The following STX1A variants were observed in gnomAD, a reference collection of about 807,000 sequenced individuals.
STX1A encodes the protein syntaxin 1A, also known as syntaxin-1A.
In STX1A, 4 loss-of-function variants were observed where a neutral mutation model predicts 37.8. That is an observed-to-expected ratio of 0.11 (90% confidence interval 0.05 to 0.24). The LOEUF is 0.24. STX1A is among the 10% of genes least tolerant of loss of function. STX1A has a pLI of 1.00. For missense variants in STX1A, 251 were observed against 399.9 expected (o/e 0.63, Z 3.18); for synonymous variants, 135 against 147.4 (o/e 0.92, Z 0.61).
chr7:73,719,069 G>A (rs971744620), intron 1 of STX1A, among the ~76,000 whole-genome samples: 38 of 151,826 alleles, frequency 2.5e-4, no homozygotes, highest in Admixed American at 9.2e-4. Flanking sequence ...CGAGGAGGCC[G>A]CCACCACCCG....
At chr7:73,719,117 C>T (rs1554619185) in intron 1 of STX1A, among the ~76,000 whole-genome samples, 1 of 151,938 alleles carries the variant, frequency 6.6e-6, no homozygotes, top group Admixed American at 6.5e-5. Context: ...CAGCGGGGCC[C>T]CGCGCAGGGG....
intron 3 of STX1A, among the ~76,000 whole-genome samples, chr7:73,707,765 C>A (rs1798927581): frequency 6.6e-6 from 1 of 151,506 alleles, no homozygotes; most frequent in African/African-American, 2.4e-5. Flanking sequence ...GAAACCCCAT[C>A]TTTACTAAAA....
At chr7:73,701,699 C>T (rs948924022) in intron 8 of STX1A, among the ~76,000 whole-genome samples, 12 of 152,274 alleles carry the variant, frequency 7.9e-5, no homozygotes, top group African/African-American at 2.4e-4. Flanking sequence ...CTGGCGTCCA[C>T]GTCACCATGG....
rs1224291104 is a variant in STX1A, at chr7:73,709,477, C to G, written c.31-355G>C. ...GTCTGGGCCCTCTGGGTCCCCTAGG[C>G]CCCTAGGACAGCTGCCTGGAAAGTG... On this transcript the variant is annotated intron_variant, in intron 1 of 9. Transcript: ENST00000222812. The surrounding 1 kb of genome is among the most constrained non-coding windows in gnomAD (Gnocchi z 4.2). Among the ~76,000 whole-genome samples the G allele has an allele frequency of 6.6e-6, 1 of 152,086 alleles. No individual in the cohort carries two copies. The highest frequency in any genetic ancestry group is 1.5e-5 in the Non-Finnish European group (1 of 68,006).
chr7:73,715,461 C>A (rs1554618551), intron 1 of STX1A, among the ~76,000 whole-genome samples: 1 of 152,036 alleles, frequency 6.6e-6, no homozygotes, highest in African/African-American at 2.4e-5. Flanking sequence ...CCACCTCCAA[C>A]CAGGAAGGCT....
chr7:73,708,197 G>A (rs1269292637), intron 3 of STX1A, among the ~76,000 whole-genome samples: 2 of 147,120 alleles, frequency 1.4e-5, no homozygotes, highest in Admixed American at 6.9e-5. Flanking sequence ...CCGGAAGGCA[G>A]AGGTGGCAGT....
In STX1A at chr7:73,717,060, G is replaced by A. The variant is rs1367410238; in HGVS notation, c.30+2542C>T. ...GGAGAGTTGGGAGCTGGAGAAGGCT[G>A]GAGAAGGCTGGAGGGCTGGGCCGGG... is the stretch of plus-strand genomic sequence containing the variant. On this transcript the variant is annotated intron_variant, in intron 1 of 9. Coordinates refer to ENST00000222812, the MANE Select transcript of STX1A (RefSeq NM_004603.4). This position sits in a 1 kb window ranked among gnomAD's most constrained non-coding sequence, Gnocchi z 4.1. Among the ~76,000 whole-genome samples the A allele has an allele frequency of 7.9e-5, 12 of 152,174 alleles. 1 individual carries two copies. Among genetic ancestry groups the A allele is most frequent in the South Asian group, 2.1e-4 (1 of 4,830 alleles).
chr7:73,699,816 C>T lies in STX1A; in HGVS notation c.*591G>A. ...GGCCGGAGGAATGTGGGAAGGGAAG[C>T]TGAGGCCCAGGACCCGATGGACTTT... is the stretch of plus-strand genomic sequence containing the variant. On this transcript the variant is annotated 3_prime_UTR_variant, in exon 10 of 10. Coordinates refer to ENST00000222812, the MANE Select transcript of STX1A (RefSeq NM_004603.4). 1 of 157,078 alleles carries T rather than the reference C, an allele frequency of 6.4e-6. No individual in the cohort carries two copies. The highest frequency in any genetic ancestry group is 1.9e-4 in the South Asian group (1 of 5,306). The allele number at this position is 157,078 out of a possible 1,614,324, so 9.7% of individuals were successfully genotyped here.
chr7:73,713,292 C>T (rs1462006640), intron 1 of STX1A, among the ~76,000 whole-genome samples: 4 of 152,166 alleles, frequency 2.6e-5, no homozygotes, highest in African/African-American at 7.2e-5. Flanking sequence ...CTGATAAGGA[C>T]GCGGGATGGC....
At chr7:73,719,405 G>A (rs1228307147) in intron 1 of STX1A, among the ~76,000 whole-genome samples, 197 bp downstream of exon 1, 1 of 152,154 alleles carries the variant, frequency 6.6e-6, no homozygotes, top group Non-Finnish European at 1.5e-5. Flanking sequence ...CCGAGCTCAC[G>A]CGAGCCTGAC....
Position 73,702,716 on chromosome 7 carries a change from G to T in STX1A, c.678+129C>A, listed in dbSNP as rs562962567. 5.2e-6 allele frequency: 8 copies of T among 1,547,312 alleles called. No homozygotes were observed. The highest frequency in any genetic ancestry group is 2.3e-5 in the East Asian group (1 of 43,458). ...GGGCCCTGGCGGCAGTTTCAACAGC[G>T]GGTGATTGGTTACCTGAGAACTTGG... On this transcript the variant is annotated intron_variant, in intron 8 of 9. Transcript: ENST00000222812. The surrounding 1 kb of genome is among the most constrained non-coding windows in gnomAD (Gnocchi z 4.7).
chr7:73,704,472 G>A (rs1554616513), intron 4 of STX1A, 49 bp from the exon 5 acceptor site: 4 of 1,604,316 alleles, frequency 2.5e-6, no homozygotes, highest in Middle Eastern at 1.7e-4. Context: ...CTTCAACCCC[G>A]TCCCCTACCC....
chr7:73,700,279 C>A lies in STX1A; in HGVS notation c.*128G>T. 1.2e-6 allele frequency: 1 copy of A among 821,374 alleles called. No homozygotes were observed. Among genetic ancestry groups the A allele is most frequent in the Non-Finnish European group, 2.0e-6 (1 of 497,296 alleles). The allele number at this position is 821,374 out of a possible 1,614,324, so 50.9% of individuals were successfully genotyped here. A position where few individuals can be genotyped will look rare whatever the true frequency, so the allele number is the denominator to read the frequency against. On this transcript the variant is annotated 3_prime_UTR_variant, in exon 10 of 10. Coordinates refer to ENST00000222812, the MANE Select transcript of STX1A (RefSeq NM_004603.4). The surrounding 1 kb of genome is among the most constrained non-coding windows in gnomAD (Gnocchi z 4.4). ...GGAGGGCCCATGGCAGAGAAGGGAG[C>A]ATGGGGGCCGGGAGGGAGGGTGCTC...
intron 7 of STX1A, chr7:73,703,427 C>G (rs564515355): frequency 3.8e-5 from 23 of 605,764 alleles, no homozygotes; most frequent in Non-Finnish European, 7.1e-5. Context: ...CAGGGAGCAC[C>G]CCTGCCCGGC....
chr7:73,709,333 C>A lies in STX1A; in HGVS notation c.31-211G>T, dbSNP rs1166417235. Among the ~76,000 whole-genome samples, 1 of 152,102 alleles carries A rather than the reference C, an allele frequency of 6.6e-6. No individual in the cohort carries two copies. The highest frequency in any genetic ancestry group is 1.5e-5 in the Non-Finnish European group (1 of 67,994). ...CCCGGCACAGAGAGAGGAACCTTGC[C>A]TGATACACTGGTGTCAAGGCCAAGT... On this transcript the variant is annotated intron_variant, in intron 1 of 9. Transcript: ENST00000222812. This position sits in a 1 kb window ranked among gnomAD's most constrained non-coding sequence, Gnocchi z 4.2.
In STX1A at chr7:73,705,637, G is replaced by A. The variant is rs1416856055; in HGVS notation, c.209-413C>T. The A allele has an allele frequency of 4.5e-6, 1 of 223,252 alleles. No individual in the cohort carries two copies. The highest frequency in any genetic ancestry group is 9.0e-6 in the Non-Finnish European group (1 of 110,854). The allele number at this position is 223,252 out of a possible 1,614,324, so 13.8% of individuals were successfully genotyped here. Reference sequence around the variant, plus strand: ...CCTGGTGTTACCTGGTGGCTCAGGAGGGTACGCAGCCAGGCAGGGGGTTGA... The same window carrying A: ...CCTGGTGTTACCTGGTGGCTCAGGAAGGTACGCAGCCAGGCAGGGGGTTGA... On this transcript the variant is annotated intron_variant, in intron 3 of 9. Coordinates refer to ENST00000222812, the MANE Select transcript of STX1A (RefSeq NM_004603.4). The surrounding 1 kb of genome is among the most constrained non-coding windows in gnomAD (Gnocchi z 5.2).
intron 1 of STX1A, among the ~76,000 whole-genome samples, chr7:73,714,749 C>T (rs1259555358): frequency 2.1e-5 from 3 of 145,728 alleles, no homozygotes; most frequent in East Asian, 4.1e-4. Context: ...CAAAGCTGGG[C>T]GAGCACCAGA....
chr7:73,717,726 C>A lies in STX1A; in HGVS notation c.30+1876G>T, dbSNP rs1799338589. Among the ~76,000 whole-genome samples the A allele has an allele frequency of 6.6e-6, 1 of 152,206 alleles. No individual in the cohort carries two copies. Among genetic ancestry groups the A allele is most frequent in the Admixed American group, 6.5e-5 (1 of 15,278 alleles). ...AGCGGAAGCCTCAGACCATTCAAAG[C>A]AAAGCCTGGCTTCACCATCTAATCA... On this transcript the variant is annotated intron_variant, in intron 1 of 9. Transcript: ENST00000222812. This position sits in a 1 kb window ranked among gnomAD's most constrained non-coding sequence, Gnocchi z 4.1.
intron 5 of STX1A, 30 bp downstream of exon 5, chr7:73,704,320 G>A: frequency 6.2e-7 from 1 of 1,613,964 alleles, no homozygotes. Context: ...AGACTCAGGT[G>A]CCCGCCCATC....
Sources: gnomAD v4.1 joint callset for allele counts (sites outside exome capture counted in the v4.1 genomes callset) on GRCh38, gnomAD v4.1.1 for gene constraint, Gnocchi (gnomAD v3.1) non-coding constraint, MANE v1.5 for transcripts, NCBI Gene and HGNC (gene_info 2026-07-23, HGNC 2026-07-21) for gene names.